Variants in ANXA9 observed in about 807,000 individuals in gnomAD.
ANXA9 encodes annexin A9.
A neutral mutation model predicts 51.8 loss-of-function variants in ANXA9; 47 were observed. That is an observed-to-expected ratio of 0.91 (90% CI 0.72 to 1.16). ANXA9 has a LOEUF of 1.16. ANXA9 is among the 50% of genes most tolerant of loss of function. The pLI is 0.00. For missense variants in ANXA9, 361 were observed against 424.7 expected, an observed-to-expected ratio of 0.85 and a Z score of 1.32; for synonymous variants, 154 against 168.7, an observed-to-expected ratio of 0.91 and a Z score of 0.68.
At chr1:150,988,209 TG>T in intron 11 of ANXA9, 23 bp downstream of exon 11, 1 of 1,614,228 alleles carries the variant, frequency 6.2e-7, no homozygotes, top group East Asian at 2.2e-5. Flanking sequence ...TCAGGATTTG[TG>T]AAGTAAGTCT....
At chr1:150,990,077 G>C (rs917671855) in intron 12 of ANXA9, among the ~76,000 whole-genome samples, 2 of 152,012 alleles carry the variant, frequency 1.3e-5, no homozygotes, top group African/African-American at 4.8e-5. Context: ...GGGAAGCTAA[G>C]GTGGGAGGAT....
upstream of ANXA9, among the ~76,000 whole-genome samples, chr1:150,977,667 G>A (rs587593801): frequency 6.6e-6 from 1 of 152,364 alleles, no homozygotes; most frequent in East Asian, 1.9e-4. Flanking sequence ...TTTCAGGTCA[G>A]GTGGAACTGT....
chr1:150,995,188 C>T, intron 13 of ANXA9, 72 bp from the exon 14 acceptor site: 1 of 1,500,286 alleles, frequency 6.7e-7, no homozygotes, highest in Non-Finnish European at 9.1e-7. Flanking sequence ...TGGACCAGCC[C>T]AAAGGAGGGG....
At chr1:150,991,257 G>C (rs1671691318) in intron 12 of ANXA9, among the ~76,000 whole-genome samples, 1 of 148,400 alleles carries the variant, frequency 6.7e-6, no homozygotes, top group Admixed American at 6.9e-5. Context: ...TATTTTTTTA[G>C]ATCGAGTCTC....
chr1:150,995,491 C>A lies in ANXA9; in HGVS notation c.*169C>A. On this transcript the variant is annotated 3_prime_UTR_variant, in exon 14 of 14. Coordinates refer to ENST00000368947, the MANE Select transcript of ANXA9 (RefSeq NM_003568.3). ...TTTCTTTAAAATCCCTTAATTTTCCCATCTCAAAATTATATCTGTACCTGG... is the reference window on the plus strand; with the variant it reads ...TTTCTTTAAAATCCCTTAATTTTCCAATCTCAAAATTATATCTGTACCTGG... The A allele has an allele frequency of 1.7e-6, 1 of 599,672 alleles. No individual in the cohort carries two copies. The highest frequency in any genetic ancestry group is 2.4e-5 in the South Asian group (1 of 40,948). 37.1% of individuals were successfully genotyped at this position (599,672 alleles called of 1,614,324 possible).
In ANXA9 at chr1:150,987,372, TCTCTCTCTCACA is replaced by T. The variant is rs1252319387; in HGVS notation, c.613-498_613-487del. 2.5e-3 allele frequency among the ~76,000 whole-genome samples: 149 copies of T among 59,766 alleles called. 1 individual carries two copies. In the South Asian group the frequency reaches 0.16, roughly 64 times the overall value. The allele number at this position is 59,766 out of a possible 152,430, so 39.2% of individuals were successfully genotyped here. On this transcript the variant is annotated intron_variant, in intron 9 of 13. Coordinates refer to ENST00000368947, the MANE Select transcript of ANXA9 (RefSeq NM_003568.3). ...CCCCATCTCTCTCGCTCTCTCTCTC[TCTCTCTCTCACA>T]CACACACACACACACACACGCACAC...
rs587759130 is a variant in ANXA9, at chr1:150,988,110, G to A, written c.717G>A (p.Arg239=). 2 of 1,614,202 alleles carry A rather than the reference G, an allele frequency of 1.2e-6. No homozygotes were observed. Among genetic ancestry groups the A allele is most frequent in the South Asian group, 2.2e-5 (2 of 91,084 alleles). The part of the protein sequence containing the change: ...HLIRVFDQYQ[R]STGQELEEAV... ...CACAAGTGTTTGATCAGTACCAGCGGAGCACTGGGCAAGAGCTGGAGGAGG... is the reference window on the plus strand; with the variant it reads ...CACAAGTGTTTGATCAGTACCAGCGAAGCACTGGGCAAGAGCTGGAGGAGG... Residue 239 remains arginine, a synonymous_variant, in exon 11 of 14, where the codon CGG becomes CGA. Coordinates refer to ENST00000368947, the MANE Select transcript of ANXA9 (RefSeq NM_003568.3).
In ANXA9 at chr1:150,994,715, T is replaced by C. The variant is rs752101650; in HGVS notation, c.975+16T>C. On this transcript the variant is annotated intron_variant, in intron 13 of 13. Coordinates refer to ENST00000368947, the MANE Select transcript of ANXA9 (RefSeq NM_003568.3). ...TTCTCTCCAGGTGAAACTTGGCTACTTCTTAGCCTGGAGCCTCAGGCCTTC... is the reference window on the plus strand; with the variant it reads ...TTCTCTCCAGGTGAAACTTGGCTACCTCTTAGCCTGGAGCCTCAGGCCTTC... 6.2e-7 allele frequency: 1 copy of C among 1,613,318 alleles called. No homozygotes were observed. The highest frequency in any genetic ancestry group is 1.1e-5 in the South Asian group (1 of 91,038).
intron 12 of ANXA9, among the ~76,000 whole-genome samples, chr1:150,989,635 G>A (rs1671651097): frequency 6.6e-6 from 1 of 152,020 alleles, no homozygotes; most frequent in Non-Finnish European, 1.5e-5. Flanking sequence ...AGGTTGTAGT[G>A]AACCAAGATC....
At chr1:150,980,886 C>CTTAT (rs112890455), upstream of ANXA9, among the ~76,000 whole-genome samples, 47 of 149,998 alleles carry the variant, frequency 3.1e-4, no homozygotes, top group African/African-American at 1.1e-3. Context: ...GCCACATTAC[C>CTTAT]TTATTTATTT....
At chr1:150,983,251 G>T (rs1671457364) in intron 3 of ANXA9, 71 bp downstream of exon 3, 1 of 1,600,642 alleles carries the variant, frequency 6.2e-7, no homozygotes, top group Admixed American at 1.7e-5. Context: ...TGGGAGGCAG[G>T]AAAGTGGAGG....
At chr1:150,990,219 G>A (rs587600078) in intron 12 of ANXA9, among the ~76,000 whole-genome samples, 96 of 129,572 alleles carry the variant, frequency 7.4e-4, no homozygotes, top group Non-Finnish European at 1.2e-3. Context: ...GATGTGGTGG[G>A]AGGATTGCTT....
intron 12 of ANXA9, among the ~76,000 whole-genome samples, chr1:150,993,035 A>G (rs979584022): frequency 6.6e-6 from 1 of 152,004 alleles, no homozygotes; most frequent in African/African-American, 2.4e-5. Flanking sequence ...GTTTTACTTC[A>G]TTTTCTTTTG....
chr1:150,988,493 G>C, intron 12 of ANXA9, 152 bp downstream of exon 12: 1 of 954,892 alleles, frequency 1.0e-6, no homozygotes, highest in Non-Finnish European at 1.6e-6. Context: ...TTACACAGGG[G>C]TGGAGGAATG....
intron 7 of ANXA9, 52 bp downstream of exon 7, chr1:150,984,728 AG>A: frequency 1.3e-6 from 2 of 1,496,184 alleles, no homozygotes; most frequent in Non-Finnish European, 1.9e-6. Flanking sequence ...GCTGTAGGAC[AG>A]GCCACTCCTC....
At chr1:150,993,759 C>T (rs921224274) in intron 12 of ANXA9, among the ~76,000 whole-genome samples, 1 of 151,648 alleles carries the variant, frequency 6.6e-6, no homozygotes, top group Non-Finnish European at 1.5e-5. Flanking sequence ...CTCAGCCTTC[C>T]AAGTAGCTGG....
upstream of ANXA9, among the ~76,000 whole-genome samples, chr1:150,978,538 AG>A (rs1219971713): frequency 6.6e-6 from 1 of 152,158 alleles, no homozygotes; most frequent in African/African-American, 2.4e-5. Context: ...TTCCACTGAG[AG>A]GGAGCCCAAA....
At chr1:150,986,127 C>G (rs1290476469) in intron 7 of ANXA9, among the ~76,000 whole-genome samples, 10 of 152,132 alleles carry the variant, frequency 6.6e-5, no homozygotes, top group Non-Finnish European at 1.2e-4. Context: ...GTGATGAAGC[C>G]ACTGCACACC....
intron 5 of ANXA9, 49 bp from the exon 6 acceptor site, chr1:150,984,232 G>GC (rs752173761): frequency 4.4e-6 from 7 of 1,577,558 alleles, no homozygotes; most frequent in African/African-American, 1.3e-5. Flanking sequence ...CACTTCTGGG[G>GC]CCCTTCCCCT....
Sources: gnomAD v4.1 joint callset for allele counts (sites outside exome capture counted in the v4.1 genomes callset) on GRCh38, gnomAD v4.1.1 for gene constraint, MANE v1.5 for transcripts, NCBI Gene and HGNC (gene_info 2026-07-23, HGNC 2026-07-21) for gene names.